Variants in MPPED2 observed in about 807,000 individuals in gnomAD.
The protein encoded by MPPED2 is metallophosphoesterase MPPED2.
In MPPED2, 5 loss-of-function variants were observed where a neutral mutation model predicts 33.0. That is an observed-to-expected ratio of 0.15 (90% CI 0.08 to 0.32). The LOEUF (loss-of-function observed/expected upper bound fraction) is 0.32. Among genes scored for constraint, MPPED2 ranks in the 10% least tolerant of loss-of-function variants. The pLI is 1.00. For missense variants in MPPED2, 275 were observed against 372.1 expected, an observed-to-expected ratio of 0.74 and a Z score of 2.15; for synonymous variants, 136 against 141.9, an observed-to-expected ratio of 0.96 and a Z score of 0.29.
In MPPED2 at chr11:30,437,699, G is replaced by T. The variant is rs532428811; in HGVS notation, c.537-20066C>A. ...TCTGTGCTTTGAAATTTAGTCCTAT[G>T]GTTCAGCTATCATCTTGAATTATTA... On this transcript the variant is annotated intron_variant, in intron 4 of 6. Coordinates refer to ENST00000358117, the MANE Select transcript of MPPED2 (RefSeq NM_001584.3). Among the ~76,000 whole-genome samples, 26 of 152,232 alleles carry T rather than the reference G, an allele frequency of 1.7e-4. 1 individual carries two copies. The East Asian group carries it at 5.0e-3, about 29-fold the overall frequency.
chr11:30,554,702 C>G (rs1020712518), intron 2 of MPPED2, among the ~76,000 whole-genome samples: 1 of 152,104 alleles, frequency 6.6e-6, no homozygotes, highest in Non-Finnish European at 1.5e-5. Context: ...ACTGTGTTGG[C>G]CGGGCTGGTC....
chr11:30,460,068 GCA>G (rs1211223689), intron 4 of MPPED2, among the ~76,000 whole-genome samples: 1 of 152,132 alleles, frequency 6.6e-6, no homozygotes, highest in Non-Finnish European at 1.5e-5. Flanking sequence ...TTTGTACTTG[GCA>G]CACACAAGAT....
intron 4 of MPPED2, among the ~76,000 whole-genome samples, chr11:30,487,187 G>A (rs1322182704): frequency 6.6e-6 from 1 of 152,202 alleles, no homozygotes; most frequent in East Asian, 1.9e-4. Flanking sequence ...TAGTGTAATA[G>A]GAGAAAATGA....
At chr11:30,461,692 GA>G (rs1950524369) in intron 4 of MPPED2, among the ~76,000 whole-genome samples, 1 of 152,060 alleles carries the variant, frequency 6.6e-6, no homozygotes, top group Admixed American at 6.5e-5. Context: ...AAAAGACCTT[GA>G]AAAAATAGAG....
chr11:30,537,703 G>A (rs1954886831), intron 2 of MPPED2, among the ~76,000 whole-genome samples: 1 of 152,076 alleles, frequency 6.6e-6, no homozygotes, highest in African/African-American at 2.4e-5. Flanking sequence ...ATTGTGAACT[G>A]GTTATCACAG....
chr11:30,561,263 T>C (rs771856694), intron 2 of MPPED2, among the ~76,000 whole-genome samples: 3 of 152,310 alleles, frequency 2.0e-5, no homozygotes, highest in South Asian at 2.1e-4. Flanking sequence ...TTTTATGAAC[T>C]TCTCTGCCTA....
chr11:30,469,876 A>G (rs542800708), intron 4 of MPPED2, among the ~76,000 whole-genome samples: 2 of 152,330 alleles, frequency 1.3e-5, no homozygotes, highest in African/African-American at 4.8e-5. Context: ...CTGATTCTTA[A>G]GAATTCTTCA....
chr11:30,455,279 T>C (rs1950233762), intron 4 of MPPED2, among the ~76,000 whole-genome samples: 1 of 152,180 alleles, frequency 6.6e-6, no homozygotes, highest in Admixed American at 6.5e-5. Context: ...TCTGCCCCAT[T>C]CCTGCTGAGG....
chr11:30,401,253 A>G (rs150468488), intron 6 of MPPED2, among the ~76,000 whole-genome samples: 17 of 152,364 alleles, frequency 1.1e-4, no homozygotes, highest in Middle Eastern at 3.4e-3. Flanking sequence ...TCACTTGGAA[A>G]GAAACAGGCT....
At chr11:30,521,671 A>G (rs1461823553) in intron 3 of MPPED2, among the ~76,000 whole-genome samples, 1 of 152,238 alleles carries the variant, frequency 6.6e-6, no homozygotes, top group Non-Finnish European at 1.5e-5. Context: ...GTAACTTTCT[A>G]ATGTAAATAT....
chr11:30,477,384 G>A (rs1178525990), intron 4 of MPPED2, among the ~76,000 whole-genome samples: 1 of 152,072 alleles, frequency 6.6e-6, no homozygotes, highest in African/African-American at 2.4e-5. Context: ...TTAAACTGAT[G>A]AAGCTTTCTA....
At chr11:30,555,711 G>A (rs959096016) in intron 2 of MPPED2, among the ~76,000 whole-genome samples, 6 of 152,128 alleles carry the variant, frequency 3.9e-5, no homozygotes, top group Admixed American at 2.0e-4. Flanking sequence ...CTTCCCAGCT[G>A]TGTGGAACTG....
chr11:30,459,325 A>G (rs1950426065), intron 4 of MPPED2, among the ~76,000 whole-genome samples: 1 of 152,212 alleles, frequency 6.6e-6, no homozygotes, highest in African/African-American at 2.4e-5. Context: ...TAGCACATTC[A>G]TAAAGAAATC....
intron 2 of MPPED2, among the ~76,000 whole-genome samples, chr11:30,559,998 G>T (rs1011467960): frequency 6.6e-6 from 1 of 152,160 alleles, no homozygotes; most frequent in Non-Finnish European, 1.5e-5. Flanking sequence ...ATGTTTTGTG[G>T]GTAACCACAC....
chr11:30,572,284 C>A (rs1257503717), intron 2 of MPPED2, among the ~76,000 whole-genome samples: 1 of 152,072 alleles, frequency 6.6e-6, no homozygotes, highest in South Asian at 2.1e-4. Flanking sequence ...AAAAGCAAAT[C>A]TAATTTTAGA....
At chr11:30,485,276 T>C (rs28552755) in intron 4 of MPPED2, among the ~76,000 whole-genome samples, 2,759 of 152,300 alleles carry the variant, frequency 0.018, 86 homozygotes, top group African/African-American at 0.063. Context: ...ATCTCCTTTA[T>C]AGGGTTGCTT....
At chr11:30,490,560 A>G (rs751803650) in intron 4 of MPPED2, among the ~76,000 whole-genome samples, 12 of 152,188 alleles carry the variant, frequency 7.9e-5, no homozygotes, top group Middle Eastern at 3.4e-3. Context: ...CAGACCTGGC[A>G]TCCCACTTAT....
chr11:30,527,667 A>G (rs990881826), intron 3 of MPPED2, among the ~76,000 whole-genome samples: 8 of 152,190 alleles, frequency 5.3e-5, no homozygotes, highest in African/African-American at 1.9e-4. Context: ...AGGGGACAGC[A>G]TCAGGTTTCT....
intron 2 of MPPED2, among the ~76,000 whole-genome samples, chr11:30,559,177 G>A (rs949892227): frequency 6.6e-6 from 1 of 152,118 alleles, no homozygotes; most frequent in African/African-American, 2.4e-5. Flanking sequence ...TGAAATAAAA[G>A]TCACAATAGT....
Sources: allele counts gnomAD v4.1 joint callset (sites outside exome capture counted in the v4.1 genomes callset), GRCh38; gene constraint gnomAD v4.1.1; transcripts MANE v1.5; gene names NCBI Gene and HGNC (gene_info 2026-07-23, HGNC 2026-07-21).